Variants in GPRIN3 observed in about 807,000 individuals in gnomAD.
GPRIN3 encodes the protein G protein-regulated inducer of neurite outgrowth 3.
A neutral mutation model predicts 13.7 loss-of-function variants in GPRIN3; 12 were observed. The observed-to-expected ratio is 0.87, with a 90% CI of 0.56 to 1.42. The LOEUF is 1.42. GPRIN3 is among the 40% of genes most tolerant of loss of function. The pLI is 0.00. For missense variants in GPRIN3, 1,009 were observed against 958.7 expected, an observed-to-expected ratio of 1.05 and a Z score of -0.69; for synonymous variants, 377 against 372.7, an observed-to-expected ratio of 1.01 and a Z score of -0.13.
intron 1 of GPRIN3, among the ~76,000 whole-genome samples, chr4:89,281,128 G>GTT (rs869122962): frequency 7.0e-6 from 1 of 143,498 alleles, no homozygotes; most frequent in Non-Finnish European, 1.5e-5. Flanking sequence ...ATAGTTTCAT[G>GTT]TTTTTTTTTT....
intron 1 of GPRIN3, among the ~76,000 whole-genome samples, chr4:89,258,103 GA>G (rs1561193097): frequency 6.6e-6 from 1 of 151,180 alleles, no homozygotes; most frequent in Non-Finnish European, 1.5e-5. Context: ...AAGGTAGTAG[GA>G]AAAAGAATTT....
At chr4:89,294,597 T>C (rs1724678844) in intron 1 of GPRIN3, among the ~76,000 whole-genome samples, 1 of 152,232 alleles carries the variant, frequency 6.6e-6, no homozygotes. Context: ...AAGTCCTTAT[T>C]AAACATCAAT....
At position 89,248,318 on chromosome 4, in the gene GPRIN3, T is replaced by A. The variant is rs1323553564; in HGVS notation, c.1793A>T (p.Gln598Leu). 10 of 1,614,058 alleles carry A rather than the reference T, an allele frequency of 6.2e-6. No homozygotes were observed. Among genetic ancestry groups the A allele is most frequent in the African/African-American group, 1.3e-5 (1 of 74,942 alleles). ...GCTCAGGCTGGTGGCTGTCTTGGTC[T>A]GTCTGTTTTCTTCTAAGGTGCTCTC... ...NQESTLEENRQTKTATSLSLP... is the reference protein window; with the variant it reads ...NQESTLEENRLTKTATSLSLP... The change falls in exon 2 of 2, where the codon CAG becomes CTG. Residue 598 changes from glutamine (Q) to leucine (L), a missense_variant. Transcript: ENST00000609438.
chr4:89,252,124 C>G (rs772829529), intron 1 of GPRIN3, among the ~76,000 whole-genome samples: 1 of 151,964 alleles, frequency 6.6e-6, no homozygotes, highest in African/African-American at 2.4e-5. Flanking sequence ...AGGTGAATGC[C>G]ACCATGCTCA....
In GPRIN3 at chr4:89,305,117, G is replaced by A. The variant is rs370584678; in HGVS notation, c.-124+2498C>T. 1.9e-3 allele frequency among the ~76,000 whole-genome samples: 295 copies of A among 152,188 alleles called. 2 individuals carry two copies. The South Asian group carries it at 0.02, about 10-fold the overall frequency. On this transcript the variant is annotated intron_variant, in intron 1 of 1. Transcript: ENST00000609438. ...AGGCCTTTTGGACTTCAGTTTGTAG[G>A]TGGATCCTGCTGCCCTCTCCATTCT...
At position 89,249,411 on chromosome 4, in the gene GPRIN3, A is replaced by AC. The variant is rs1420801403; in HGVS notation, c.699dup (p.Ser234ValfsTer3). On this transcript the variant is annotated frameshift_variant, in exon 2 of 2. Coordinates refer to ENST00000609438, the MANE Select transcript of GPRIN3 (RefSeq NM_198281.3). LOFTEE classifies it low-confidence loss of function (END_TRUNC). ...GATTCTCTAGTTAGAGGTTTACAGG[A>AC]CCTCATTTCAGAGTCACAGATGGCT... is the stretch of plus-strand genomic sequence containing the variant. 3 of 1,613,846 alleles carry AC rather than the reference A, an allele frequency of 1.9e-6. No individual in the cohort carries two copies. Among genetic ancestry groups the AC allele is most frequent in the Non-Finnish European group, 2.5e-6 (3 of 1,179,984 alleles).
rs778728890 is a variant in GPRIN3 at position 89,240,359 on chromosome 4, C to A, written c.*7421G>T. 4.6e-5 allele frequency: 7 copies of A among 152,052 alleles called. No individual in the cohort carries two copies. Among genetic ancestry groups the A allele is most frequent in the South Asian group, 2.1e-4 (1 of 4,816 alleles). 9.4% of individuals were successfully genotyped at this position (152,052 alleles called of 1,614,324 possible). ...ACCAACATCATCTGCAATTTTTTTT[C>A]ATTTAAATCTTTGACTTCTCTTCGG... On this transcript the variant is annotated 3_prime_UTR_variant, in exon 2 of 2. Coordinates refer to ENST00000609438, the MANE Select transcript of GPRIN3 (RefSeq NM_198281.3).
In GPRIN3 at chr4:89,295,699, A is replaced by G. The variant is rs191027097; in HGVS notation, c.-124+11916T>C. ...ATCAGAGCTAGAATTGCTCTTAGGG[A>G]TTTCTGGACCAGCCCTCTCATTTCT... On this transcript the variant is annotated intron_variant, in intron 1 of 1. Transcript: ENST00000609438. 1.1e-3 allele frequency among the ~76,000 whole-genome samples: 161 copies of G among 152,148 alleles called. 1 individual carries two copies. Among genetic ancestry groups the G allele is most frequent in the Admixed American group, 2.4e-3 (36 of 15,274 alleles).
chr4:89,287,507 A>C (rs1724455858), intron 1 of GPRIN3, among the ~76,000 whole-genome samples: 1 of 152,166 alleles, frequency 6.6e-6, no homozygotes. Context: ...GAGGCTAAGG[A>C]AAGATTTAAA....
At chr4:89,279,642 G>A (rs1724190061) in intron 1 of GPRIN3, among the ~76,000 whole-genome samples, 1 of 152,184 alleles carries the variant, frequency 6.6e-6, no homozygotes, top group African/African-American at 2.4e-5. Context: ...CAAAACAAAT[G>A]AACACGTTTC....
intron 1 of GPRIN3, among the ~76,000 whole-genome samples, chr4:89,306,097 G>C (rs553953198): frequency 6.6e-6 from 1 of 151,216 alleles, no homozygotes; most frequent in Non-Finnish European, 1.5e-5. Flanking sequence ...CTATTCCCTC[G>C]ATTAAAGACA....
chr4:89,294,316 G>T (rs912200432), intron 1 of GPRIN3, among the ~76,000 whole-genome samples: 6 of 152,180 alleles, frequency 3.9e-5, no homozygotes, highest in South Asian at 4.1e-4. Flanking sequence ...GGAGGCAAAG[G>T]TGGGAGAATC....
rs1723036454 is a variant in GPRIN3 at position 89,244,570 on chromosome 4, G to C, written c.*3210C>G. 1 of 152,154 alleles carries C rather than the reference G, an allele frequency of 6.6e-6. No individual in the cohort carries two copies. The highest frequency in any genetic ancestry group is 2.4e-5 in the African/African-American group (1 of 41,440). 9.4% of individuals were successfully genotyped at this position (152,154 alleles called of 1,614,324 possible). A position where few individuals can be genotyped will look rare whatever the true frequency, so the allele number is the denominator to read the frequency against. Reference sequence around the variant, plus strand: ...TCAATATTTTACTCTATGTAAAGTAGTTGGTCTGTGGCATTCAAAGTCAAT... The same window carrying C: ...TCAATATTTTACTCTATGTAAAGTACTTGGTCTGTGGCATTCAAAGTCAAT... On this transcript the variant is annotated 3_prime_UTR_variant, in exon 2 of 2. Coordinates refer to ENST00000609438, the MANE Select transcript of GPRIN3 (RefSeq NM_198281.3).
chr4:89,278,739 G>T (rs1724162820), intron 1 of GPRIN3, among the ~76,000 whole-genome samples: 1 of 152,222 alleles, frequency 6.6e-6, no homozygotes, highest in Admixed American at 6.5e-5. Flanking sequence ...AAGGCACATA[G>T]AAGTTAAGTA....
chr4:89,271,620 A>C (rs1200277984), intron 1 of GPRIN3, among the ~76,000 whole-genome samples: 1 of 152,090 alleles, frequency 6.6e-6, no homozygotes, highest in Non-Finnish European at 1.5e-5. Context: ...TTCTTGAGGA[A>C]TATTTTTGAT....
In GPRIN3 at chr4:89,247,873, T is replaced by A. The variant is rs1723150884; in HGVS notation, c.2238A>T (p.Arg746Ser). The stretch of plus-strand genomic sequence containing the variant: ...ACTGGAAAACACTGTGCTGCCTTCC[T>A]CTGAGCTTCTTATTTGAAGAAGTAT... ...SSDTSSNKKL[R>S]GRQHSVFQSM... is the part of the protein sequence containing the mutation. The change falls in exon 2 of 2, where the codon AGA becomes AGT. Residue 746 changes from arginine to serine, a missense_variant. Physicochemically the swap from Arg to Ser is moderately radical, Grantham distance 110. Coordinates refer to ENST00000609438, the MANE Select transcript of GPRIN3 (RefSeq NM_198281.3). 1 of 1,614,086 alleles carries A rather than the reference T, an allele frequency of 6.2e-7. No homozygotes were observed. Among genetic ancestry groups the A allele is most frequent in the African/African-American group, 1.3e-5 (1 of 74,926 alleles).
intron 1 of GPRIN3, among the ~76,000 whole-genome samples, chr4:89,289,936 C>T (rs1578109808): frequency 6.6e-6 from 1 of 152,136 alleles, no homozygotes; most frequent in African/African-American, 2.4e-5. Flanking sequence ...TTGTTTCCAA[C>T]ACCATTTTGA....
rs1451898933 is a variant in GPRIN3, at chr4:89,250,141, C to T, written c.-31G>A. 8.8e-6 allele frequency: 14 copies of T among 1,582,108 alleles called. No individual in the cohort carries two copies. Among genetic ancestry groups the T allele is most frequent in the Admixed American group, 1.7e-5 (1 of 57,878 alleles). On this transcript the variant is annotated 5_prime_UTR_variant, in exon 2 of 2. Transcript: ENST00000609438. ...TTCTCTTCAGGAGCACTCCAGAGCT[C>T]TCTTGAGTACTGGTCCCACTGGTGG...
At chr4:89,300,906 A>T (rs1342888070) in intron 1 of GPRIN3, among the ~76,000 whole-genome samples, 2 of 152,188 alleles carry the variant, frequency 1.3e-5, no homozygotes, top group African/African-American at 4.8e-5. Context: ...TGGAATTTAA[A>T]ATTCTTAATT....
Sources: gnomAD v4.1 joint callset for allele counts (sites outside exome capture counted in the v4.1 genomes callset) on GRCh38, gnomAD v4.1.1 for gene constraint, MANE v1.5 for transcripts, NCBI Gene and HGNC (gene_info 2026-07-23, HGNC 2026-07-21) for gene names.